EBF4: variants seen among roughly 807,000 people sequenced by gnomAD.
EBF4 encodes the protein transcription factor COE4.
A neutral mutation model predicts 67.1 loss-of-function variants in EBF4; 34 were observed. The observed-to-expected ratio is 0.51, with a 90% CI of 0.39 to 0.67. EBF4 has a LOEUF of 0.67. Among genes scored for constraint, EBF4 ranks in the 30% least tolerant of loss-of-function variants. The pLI is 0.00. For missense variants in EBF4, 837 were observed against 873.3 expected (o/e 0.96, Z 0.52); for synonymous variants, 387 against 377.7 (o/e 1.02, Z -0.29).
chr20:2,744,986 CT>C (rs566572682), intron 6 of EBF4, among the ~76,000 whole-genome samples: 212 of 152,258 alleles, frequency 1.4e-3, no homozygotes, highest in Middle Eastern at 3.4e-3. Context: ...GTGTTTTACA[CT>C]TACAGCACAT....
rs372262051 is a variant in EBF4, at chr20:2,716,419, C to T, written c.557+6777C>T. 1.7e-4 allele frequency among the ~76,000 whole-genome samples: 25 copies of T among 151,442 alleles called. No individual in the cohort carries two copies. In the South Asian group the frequency reaches 5.2e-3, roughly 32 times the overall value. ...TGGTGCATGCCTGTAATCACAGCTA[C>T]TCGGGAGGCTGAGGCAGGAGAATCG... On this transcript the variant is annotated intron_variant, in intron 6 of 16. Transcript: ENST00000609451.
intron 14 of EBF4, among the ~76,000 whole-genome samples, chr20:2,753,140 A>G (rs760014173): frequency 6.6e-6 from 1 of 152,232 alleles, no homozygotes; most frequent in Non-Finnish European, 1.5e-5. Context: ...CAAGTTACTT[A>G]TTTGAACTTG....
At chr20:2,699,075 T>C (rs2087338370) in intron 1 of EBF4, among the ~76,000 whole-genome samples, 1 of 152,104 alleles carries the variant, frequency 6.6e-6, no homozygotes, top group Non-Finnish European at 1.5e-5. Flanking sequence ...ACAGTTATGC[T>C]GTGGCAGGGG....
chr20:2,750,077 C>A, intron 10 of EBF4, 104 bp downstream of exon 10: 3 of 1,438,784 alleles, frequency 2.1e-6, no homozygotes, highest in Non-Finnish European at 2.7e-6. Flanking sequence ...GAGCTCTACG[C>A]TGTGGCCACG....
At chr20:2,753,882 C>T (rs1020297727) in intron 14 of EBF4, among the ~76,000 whole-genome samples, 2 of 152,174 alleles carry the variant, frequency 1.3e-5, no homozygotes, top group African/African-American at 4.8e-5. Context: ...CCTCTCCTGG[C>T]TCTTTGCTCA....
chr20:2,709,382 A>C (rs6138867), intron 5 of EBF4, among the ~76,000 whole-genome samples, 192 bp from the exon 6 acceptor site: 8,380 of 151,940 alleles, frequency 0.055, 309 homozygotes, highest in East Asian at 0.19. Context: ...CTAGGCTCTC[A>C]GGGTCCCTGC....
At chr20:2,753,017 G>A (rs2146510539) in intron 14 of EBF4, among the ~76,000 whole-genome samples, 1 of 152,370 alleles carries the variant, frequency 6.6e-6, no homozygotes, top group East Asian at 1.9e-4. Context: ...GAGGCCAGGT[G>A]GGCGTGGGGA....
chr20:2,710,542 T>C (rs2087528391), intron 6 of EBF4, among the ~76,000 whole-genome samples: 1 of 149,988 alleles, frequency 6.7e-6, no homozygotes, highest in African/African-American at 2.5e-5. Flanking sequence ...CCTCCACCCC[T>C]ATGTAGAGCA....
chr20:2,749,727 T>C (rs2088110044), exon 9 of EBF4: 4 of 1,550,122 alleles, frequency 2.6e-6, no homozygotes, highest in Admixed American at 2.0e-5. Flanking sequence ...GCAGGTCGTG[T>C]TCGGAAACGT....
intron 6 of EBF4, among the ~76,000 whole-genome samples, chr20:2,732,470 A>G (rs1404561275): frequency 6.6e-6 from 1 of 152,182 alleles, no homozygotes; most frequent in Non-Finnish European, 1.5e-5. Context: ...CTGATGATAG[A>G]CACTTTTATC....
At chr20:2,698,665 G>A (rs2087331700) in intron 1 of EBF4, among the ~76,000 whole-genome samples, 1 of 151,992 alleles carries the variant, frequency 6.6e-6, no homozygotes, top group Non-Finnish European at 1.5e-5. Flanking sequence ...CTGCGAAAAG[G>A]GATGAGATGC....
intron 1 of EBF4, among the ~76,000 whole-genome samples, chr20:2,697,531 C>G (rs1425580236): frequency 7.0e-6 from 1 of 142,524 alleles, no homozygotes; most frequent in South Asian, 2.3e-4. Context: ...GGTGACAGAG[C>G]GAGACTCTGT....
At position 2,745,094 on chromosome 20, in the gene EBF4, C is replaced by A. The variant is rs766985114; in HGVS notation, c.558-3455C>A. Among the ~76,000 whole-genome samples the A allele has an allele frequency of 1.3e-5, 2 of 152,190 alleles. No individual in the cohort carries two copies. Among genetic ancestry groups the A allele is most frequent in the Non-Finnish European group, 2.9e-5 (2 of 68,044 alleles). On this transcript the variant is annotated intron_variant, in intron 6 of 16. Coordinates refer to ENST00000609451, the Ensembl canonical transcript of EBF4. This position sits in a 1 kb window ranked among gnomAD's most constrained non-coding sequence, Gnocchi z 5.2. The stretch of plus-strand genomic sequence containing the variant: ...CAGCTCCAGTGCGGTAGTTCTCAAA[C>A]TTCAGGGTGAACCAGCATCACCTGG...
intron 6 of EBF4, among the ~76,000 whole-genome samples, chr20:2,716,356 G>A (rs1219486950): frequency 1.3e-5 from 2 of 151,750 alleles, no homozygotes; most frequent in Non-Finnish European, 2.9e-5. Context: ...GAGAAACCCT[G>A]TCTCTACTAA....
chr20:2,754,238 A>G (rs1407398823), intron 14 of EBF4, among the ~76,000 whole-genome samples: 2 of 152,064 alleles, frequency 1.3e-5, no homozygotes, highest in Admixed American at 1.3e-4. Flanking sequence ...CCCGACTCCA[A>G]GGGGTGTCAT....
At chr20:2,702,425 C>T (rs2087389553) in intron 1 of EBF4, among the ~76,000 whole-genome samples, 1 of 140,390 alleles carries the variant, frequency 7.1e-6, no homozygotes. Context: ...AAGATCCTGT[C>T]TCAAAAAAAA....
At chr20:2,726,994 A>T (rs2087754878) in intron 6 of EBF4, among the ~76,000 whole-genome samples, 1 of 152,036 alleles carries the variant, frequency 6.6e-6, no homozygotes. Flanking sequence ...GAATTTGACT[A>T]CTTTAGACTC....
At chr20:2,750,375 C>T (rs1488136725) in intron 10 of EBF4, among the ~76,000 whole-genome samples, 1 of 152,216 alleles carries the variant, frequency 6.6e-6, no homozygotes. Context: ...CTCTGGGTCT[C>T]TTGGTTCCCC....
intron 10 of EBF4, among the ~76,000 whole-genome samples, chr20:2,750,936 T>A (rs2088134958): frequency 6.6e-6 from 1 of 151,998 alleles, no homozygotes; most frequent in Non-Finnish European, 1.5e-5. Flanking sequence ...GGAAATCCAC[T>A]AAGTCAGGAT....
Sources: gnomAD v4.1 joint callset for allele counts (sites outside exome capture counted in the v4.1 genomes callset) on GRCh38, gnomAD v4.1.1 for gene constraint, Gnocchi (gnomAD v3.1) non-coding constraint, MANE v1.5 for transcripts, NCBI Gene and HGNC (gene_info 2026-07-23, HGNC 2026-07-21) for gene names.